The following HEPH variants were observed in gnomAD, a reference collection of about 807,000 sequenced individuals.
HEPH encodes hephaestin.
A neutral mutation model predicts 80.8 loss-of-function variants in HEPH; 69 were observed. The ratio of observed to expected loss-of-function variants is 0.85; its 90% confidence interval spans 0.70 to 1.04. The LOEUF (loss-of-function observed/expected upper bound fraction) is 1.04. Among genes scored for constraint, HEPH ranks in the 50% least tolerant of loss-of-function variants. HEPH has a pLI of 0.00. For missense variants in HEPH, 1,115 were observed against 891.3 expected (o/e 1.25, Z -3.20); for synonymous variants, 431 against 322.8 (o/e 1.34, Z -3.60).
chrX:66,258,757 A>C, intron 17 of HEPH, 83 bp from the exon 18 acceptor site: 1 of 801,316 alleles, frequency 1.2e-6, no homozygotes, highest in Non-Finnish European at 1.7e-6. Flanking sequence ...GATTAGGCCT[A>C]GGATAGTGGA....
At position 66,173,750 on chromosome X, in the gene HEPH, C is replaced by T; in HGVS notation, c.574C>T (p.Pro192Ser). 8.3e-7 allele frequency: 1 copy of T among 1,205,485 alleles called. No homozygotes were observed. The highest frequency in any genetic ancestry group is 1.1e-6 in the Non-Finnish European group (1 of 892,281). Residue 192 changes from proline (P) to serine (S), a missense_variant, in exon 4 of 21, where the codon CCA (proline) becomes TCA (serine). Pro to Ser is a moderately conservative substitution (Grantham distance 74, BLOSUM62 -1). Transcript: ENST00000343002. ...GATCTACCATTCTCATGTAGATGCT[C>T]CACGAGACATTGCAACTGGCCTAAT... Reference protein sequence around the residue: ...TWIYHSHVDAPRDIATGLIGP... With the variant: ...TWIYHSHVDASRDIATGLIGP...
intron 15 of HEPH, among the ~76,000 whole-genome samples, chrX:66,245,846 A>G (rs1435162481): frequency 1.8e-5 from 2 of 112,293 alleles, no homozygotes; most frequent in African/African-American, 6.5e-5. Context: ...CCGCTCAACT[A>G]CATGGAAACT....
intron 15 of HEPH, among the ~76,000 whole-genome samples, chrX:66,231,336 G>A (rs1170388331): frequency 9.6e-6 from 1 of 104,668 alleles, no homozygotes; most frequent in Non-Finnish European, 2.0e-5. Context: ...AGCTTGATGG[G>A]GATGGCATTG....
intron 15 of HEPH, among the ~76,000 whole-genome samples, chrX:66,224,628 G>A (rs1212921802): frequency 8.9e-6 from 1 of 111,904 alleles, no homozygotes; most frequent in African/African-American, 3.3e-5. Context: ...GGCCATCCAG[G>A]GGTTACTGGG....
At position 66,213,447 on chromosome X, in the gene HEPH, CA is replaced by C. The variant is rs2089242354; in HGVS notation, c.2563+5202del. ...TAGACTGGATTAAGAAAATGTGGCA[CA>C]TATACACCATGGAATACTATGCAGC... On this transcript the variant is annotated intron_variant, in intron 15 of 20. Transcript: ENST00000343002. Among the ~76,000 whole-genome samples, 2 of 111,641 alleles carry C rather than the reference CA, an allele frequency of 1.8e-5. 1 individual carries two copies. Among genetic ancestry groups the C allele is most frequent in the South Asian group, 7.5e-4 (2 of 2,681 alleles).
At position 66,266,613 on chromosome X, in the gene HEPH, C is replaced by T. The variant is rs1338446811; in HGVS notation, c.3418C>T (p.Arg1140Ter). The stretch of plus-strand genomic sequence containing the variant: ...GTACCAACATCGACAGAGAAAGCTA[C>T]GACGCAATAGGAGGTCCATCCTGGA... ...VWYQHRQRKLRRNRRSILDDS... is the reference protein window; with the variant it reads ...VWYQHRQRKL Residue 1140 changes from arginine to a stop codon, truncating the protein, a stop_gained, in exon 21 of 21, where the codon CGA becomes TGA. Coordinates refer to ENST00000343002, the MANE Select transcript of HEPH (RefSeq NM_001367233.3). LOFTEE classifies it high-confidence loss of function. 5 of 1,207,318 alleles carry T rather than the reference C, an allele frequency of 4.1e-6. No homozygotes were observed. Among genetic ancestry groups the T allele is most frequent in the South Asian group, 1.8e-5 (1 of 56,597 alleles).
chrX:66,256,388 T>C (rs2148194375), intron 17 of HEPH, 58 bp downstream of exon 17: 1 of 850,478 alleles, frequency 1.2e-6, no homozygotes, highest in East Asian at 3.2e-5. Context: ...TACATGGGGA[T>C]ATTTAATAGG....
intron 15 of HEPH, among the ~76,000 whole-genome samples, chrX:66,223,837 C>CT (rs945299148): frequency 3.9e-4 from 43 of 110,796 alleles, no homozygotes; most frequent in East Asian, 1.4e-3. Flanking sequence ...TGCACATAAA[C>CT]TTTTTTTTTC....
intron 15 of HEPH, among the ~76,000 whole-genome samples, chrX:66,246,515 G>A (rs2090813892): frequency 9.0e-6 from 1 of 111,042 alleles, no homozygotes; most frequent in South Asian, 3.9e-4. Flanking sequence ...GACTTGTAGA[G>A]TTTCCCTTGG....
intron 1 of HEPH, among the ~76,000 whole-genome samples, chrX:66,165,078 C>G (rs1315636236): frequency 9.0e-6 from 1 of 111,678 alleles, no homozygotes; most frequent in South Asian, 3.8e-4. Flanking sequence ...AAGATGGTTT[C>G]TAAAGGTTTC....
intron 15 of HEPH, among the ~76,000 whole-genome samples, chrX:66,237,649 T>G (rs962439421): frequency 1.2e-4 from 14 of 112,263 alleles, no homozygotes; most frequent in African/African-American, 4.5e-4. Context: ...TTTTATCCAG[T>G]GCTGAGTTCA....
intron 15 of HEPH, among the ~76,000 whole-genome samples, chrX:66,218,070 A>G (rs745402589): frequency 2.6e-4 from 29 of 111,787 alleles, no homozygotes; most frequent in Non-Finnish European, 5.1e-4. Flanking sequence ...GGCAGACAGC[A>G]ACAGAATAAT....
At chrX:66,169,389 G>T (rs1195193164) in intron 1 of HEPH, among the ~76,000 whole-genome samples, 1 of 111,789 alleles carries the variant, frequency 8.9e-6, no homozygotes, top group African/African-American at 3.2e-5. Flanking sequence ...GTGTGTGCAA[G>T]TTTATGTATT....
chrX:66,200,255 T>G (rs1423563059), intron 11 of HEPH, among the ~76,000 whole-genome samples: 1 of 108,299 alleles, frequency 9.2e-6, no homozygotes, highest in Non-Finnish European at 1.9e-5. Flanking sequence ...TGTGTGTGTG[T>G]GTGTGTGTGT....
intron 4 of HEPH, among the ~76,000 whole-genome samples, chrX:66,186,530 C>G (rs951012188): frequency 3.5e-5 from 4 of 112,979 alleles, no homozygotes; most frequent in Non-Finnish European, 5.6e-5. Flanking sequence ...TTGTGCTTCC[C>G]GGTGAGGCAA....
chrX:66,180,936 G>C (rs768852300), intron 4 of HEPH, among the ~76,000 whole-genome samples: 3 of 99,353 alleles, frequency 3.0e-5, no homozygotes, highest in East Asian at 3.3e-4. Context: ...CTATGAGTGA[G>C]AATATGCGGT....
chrX:66,256,256 C>G lies in HEPH; in HGVS notation c.2822C>G (p.Ala941Gly). ...TCTTGGTATTTGGAGGAAAATGTGG[C>G]AACCCATGGGTCCCAGGATCCAGGC... ...NKSWYLEENV[A>G]THGSQDPGSI... The change falls in exon 17 of 21, where the codon GCA becomes GGA. Residue 941 changes from alanine (A) to glycine (G), a missense_variant. Transcript: ENST00000343002. 1 of 1,210,910 alleles carries G rather than the reference C, an allele frequency of 8.3e-7. No individual in the cohort carries two copies. The highest frequency in any genetic ancestry group is 1.1e-6 in the Non-Finnish European group (1 of 894,818).
chrX:66,169,068 C>A (rs147894576), intron 1 of HEPH, among the ~76,000 whole-genome samples: 1,665 of 111,135 alleles, frequency 0.015, 39 homozygotes, highest in African/African-American at 0.052. Context: ...TGGAGCCACA[C>A]TTCCTGGGCT....
At position 66,189,878 on chromosome X, in the gene HEPH, A is replaced by C; in HGVS notation, c.1003A>C (p.Met335Leu). ...TCCAGCCACCTTTGTGACTGCTGAG[A>C]TGGTGCCCTGGGAACCTGGTACCTG... ...IFPATFVTAE[M>L]VPWEPGTWLI... Residue 335 changes from methionine to leucine, a missense_variant, in exon 6 of 21, where the codon ATG (methionine) becomes CTG (leucine). Transcript: ENST00000343002. 1 of 1,201,329 alleles carries C rather than the reference A, an allele frequency of 8.3e-7. No homozygotes were observed. Among genetic ancestry groups the C allele is most frequent in the African/African-American group, 1.7e-5 (1 of 57,344 alleles).
Sources: allele counts gnomAD v4.1 joint callset (sites outside exome capture counted in the v4.1 genomes callset), GRCh38; gene constraint gnomAD v4.1.1; transcripts MANE v1.5; gene names NCBI Gene and HGNC (gene_info 2026-07-23, HGNC 2026-07-21).